Variants in CD44 observed in about 807,000 individuals in gnomAD.
CD44 encodes the protein CD44 molecule (IN blood group).
Under a neutral mutation model 88.8 loss-of-function variants are expected in CD44, and 49 were observed. The ratio of observed to expected loss-of-function variants is 0.55; its 90% CI spans 0.44 to 0.70. CD44 has a LOEUF of 0.70. Among genes scored for constraint, CD44 ranks in the 30% least tolerant of loss-of-function variants. The pLI, the probability that CD44 is intolerant of heterozygous loss-of-function variation, is 0.00. For synonymous variants in CD44, 325 were observed against 312.3 expected, an observed-to-expected ratio of 1.04 and a Z score of -0.43; for missense variants, 883 against 913.8, an observed-to-expected ratio of 0.97 and a Z score of 0.43.
At position 35,211,272 on chromosome 11, in the gene CD44, A is replaced by G; in HGVS notation, c.1633A>G (p.Arg545Gly). The G allele has an allele frequency of 2.5e-6, 4 of 1,613,932 alleles. No homozygotes were observed. In the South Asian group the frequency reaches 4.4e-5, roughly 18 times the overall value. ...SNRNDVTGGR[R>G]DPNHSEGSTT... Reference sequence around the variant, plus strand: ...TAGGAATGATGTCACAGGTGGAAGAAGAGACCCAAATCATTCTGAAGGCTC... The same window carrying G: ...TAGGAATGATGTCACAGGTGGAAGAGGAGACCCAAATCATTCTGAAGGCTC... The change falls in exon 14 of 18, where the codon AGA becomes GGA. Residue 545 changes from arginine (R) to glycine (G), a missense_variant. This residue lies in a region of CD44 where 631 missense variants were observed against 590.9 expected (regional missense o/e 1.07). Coordinates refer to ENST00000428726, the MANE Select transcript of CD44 (RefSeq NM_000610.4).
chr11:35,156,800 C>A (rs556109580), intron 1 of CD44, among the ~76,000 whole-genome samples: 74 of 152,294 alleles, frequency 4.9e-4, no homozygotes, highest in African/African-American at 1.7e-3. Context: ...GAGCCTGAGG[C>A]AAAAGACTTA....
chr11:35,181,598 G>A (rs1944992484), intron 3 of CD44, among the ~76,000 whole-genome samples: 1 of 147,930 alleles, frequency 6.8e-6, no homozygotes. Context: ...AGATGTGAAG[G>A]GGATGTTAAA....
chr11:35,177,407 G>A (rs1461884088), intron 2 of CD44, among the ~76,000 whole-genome samples: 1 of 152,166 alleles, frequency 6.6e-6, no homozygotes, highest in Non-Finnish European at 1.5e-5. Context: ...ATGGCCTTGC[G>A]GTAAGCGGTG....
At chr11:35,206,272 A>G (rs1218836937) in intron 11 of CD44, 29 bp downstream of exon 11, 1 of 1,569,158 alleles carries the variant, frequency 6.4e-7, no homozygotes, top group South Asian at 1.2e-5. Context: ...TTTATATATT[A>G]TGTTTTTTGA....
At chr11:35,166,424 C>T (rs916423773) in intron 1 of CD44, among the ~76,000 whole-genome samples, 11 of 152,198 alleles carry the variant, frequency 7.2e-5, no homozygotes, top group African/African-American at 2.7e-4. Flanking sequence ...CCCTCACCTC[C>T]AAGTCCCCAT....
chr11:35,209,784 G>T (rs567082384), intron 12 of CD44, among the ~76,000 whole-genome samples, 181 bp from the exon 13 acceptor site: 1 of 152,208 alleles, frequency 6.6e-6, no homozygotes, highest in South Asian at 2.1e-4. Context: ...AACCAAATAG[G>T]GGCAAAATAG....
chr11:35,186,470 A>C (rs1034850554), intron 3 of CD44, among the ~76,000 whole-genome samples: 1 of 152,192 alleles, frequency 6.6e-6, no homozygotes, highest in Non-Finnish European at 1.5e-5. Context: ...TGTAATCACA[A>C]ATTTTAAAAA....
At position 35,211,275 on chromosome 11, in the gene CD44, G is replaced by T; in HGVS notation, c.1636G>T (p.Asp546Tyr). 6.2e-7 allele frequency: 1 copy of T among 1,613,842 alleles called. No homozygotes were observed. The highest frequency in any genetic ancestry group is 1.1e-5 in the South Asian group (1 of 91,046). ...GAATGATGTCACAGGTGGAAGAAGA[G>T]ACCCAAATCATTCTGAAGGCTCAAC... ...NRNDVTGGRR[D>Y]PNHSEGSTTL... Residue 546 changes from aspartate (D) to tyrosine (Y), a missense_variant, in exon 14 of 18, where the codon GAC (aspartate) becomes TAC (tyrosine). Coordinates refer to ENST00000428726, the MANE Select transcript of CD44 (RefSeq NM_000610.4).
At position 35,208,117 on chromosome 11, in the gene CD44, G is replaced by T. The variant is rs769983303; in HGVS notation, c.1427G>T (p.Ser476Ile). The part of the protein sequence containing the change: ...QAGRRMDMDS[S>I]HSITLQPTAN... The stretch of plus-strand genomic sequence containing the variant: ...TTGATTCCTTCAGATATGGACTCCA[G>T]TCATAGTATAACGCTTCAGCCTACT... Residue 476 changes from serine to isoleucine, a missense_variant, in exon 12 of 18, where the codon AGT becomes ATT. Coordinates refer to ENST00000428726, the MANE Select transcript of CD44 (RefSeq NM_000610.4). 19 of 1,600,782 alleles carry T rather than the reference G, an allele frequency of 1.2e-5. No individual in the cohort carries two copies. In the South Asian group the frequency reaches 1.9e-4, roughly 16 times the overall value.
At chr11:35,228,935 G>T (rs1408067001) in intron 17 of CD44, among the ~76,000 whole-genome samples, 194 bp from the exon 18 acceptor site, 3 of 152,170 alleles carry the variant, frequency 2.0e-5, no homozygotes, top group Non-Finnish European at 4.4e-5. Context: ...GAGGAGTGCT[G>T]GTTGTTATGA....
At chr11:35,177,060 C>A in intron 2 of CD44, 1 of 255,734 alleles carries the variant, frequency 3.9e-6, no homozygotes, top group Non-Finnish European at 7.4e-6. Flanking sequence ...GTCAGAACCA[C>A]AAGAAAACAT....
intron 17 of CD44, 95 bp from the exon 18 acceptor site, chr11:35,229,034 A>G: frequency 9.6e-7 from 1 of 1,044,042 alleles, no homozygotes; most frequent in South Asian, 1.5e-5. Context: ...ATCATAAACC[A>G]TAGTGATCAT....
Position 35,231,555 on chromosome 11 carries a change from T to C in CD44, c.*2222T>C, listed in dbSNP as rs1207565943. The stretch of plus-strand genomic sequence containing the variant: ...CCCTCACTTGGATATACCTCTGTTT[T>C]CACGATAGAAATAAGGGAGGTCTAG... On this transcript the variant is annotated 3_prime_UTR_variant, in exon 18 of 18. Coordinates refer to ENST00000428726, the MANE Select transcript of CD44 (RefSeq NM_000610.4). 1 of 152,228 alleles carries C rather than the reference T, an allele frequency of 6.6e-6. No individual in the cohort carries two copies. Among genetic ancestry groups the C allele is most frequent in the Non-Finnish European group, 1.5e-5 (1 of 68,034 alleles). 9.4% of individuals were successfully genotyped at this position (152,228 alleles called of 1,614,324 possible).
intron 1 of CD44, among the ~76,000 whole-genome samples, chr11:35,154,083 G>A (rs1941536045): frequency 6.6e-6 from 1 of 152,178 alleles, no homozygotes; most frequent in Non-Finnish European, 1.5e-5. Flanking sequence ...AAATTCTGGA[G>A]AAGCAAAAAG....
chr11:35,193,123 C>G (rs1159815450), intron 5 of CD44, among the ~76,000 whole-genome samples: 2 of 152,132 alleles, frequency 1.3e-5, no homozygotes, highest in African/African-American at 2.4e-5. Flanking sequence ...TCTCTACTCT[C>G]TGTTCTGAAC....
chr11:35,229,665 TC>T lies in CD44; in HGVS notation c.*337del. The T allele has an allele frequency of 3.9e-6, 1 of 257,170 alleles. No homozygotes were observed. The highest frequency in any genetic ancestry group is 7.6e-6 in the Non-Finnish European group (1 of 131,678). The allele number at this position is 257,170 out of a possible 1,614,324, so 15.9% of individuals were successfully genotyped here. Reference sequence around the variant, plus strand: ...ATATGTATTCCTGATCGCCAACCTTTCCCCCACCAGCTAAGGACATTTCCCA... The same window carrying T: ...ATATGTATTCCTGATCGCCAACCTTTCCCCACCAGCTAAGGACATTTCCCA... On this transcript the variant is annotated 3_prime_UTR_variant, in exon 18 of 18. Coordinates refer to ENST00000428726, the MANE Select transcript of CD44 (RefSeq NM_000610.4).
rs1565156846 is a variant in CD44, at chr11:35,220,027, AT to A, written c.1945+641del. ...GACTTGGAATTAAAATTGATTTGTC[AT>A]AGAGAATTACTAAAGGGAAGGGTTC... On this transcript the variant is annotated intron_variant, in intron 16 of 17. Transcript: ENST00000428726. Among the ~76,000 whole-genome samples, 4 of 152,354 alleles carry A rather than the reference AT, an allele frequency of 2.6e-5. No individual in the cohort carries two copies. In the South Asian group the frequency reaches 8.3e-4, roughly 32 times the overall value.
At chr11:35,144,108 G>A (rs755161665) in intron 1 of CD44, among the ~76,000 whole-genome samples, 8 of 152,322 alleles carry the variant, frequency 5.3e-5, no homozygotes, top group South Asian at 2.1e-4. Flanking sequence ...GTGAGGTTTC[G>A]GATCCACCTG....
At chr11:35,217,179 GGCTTCTGA>G (rs1948896483) in intron 15 of CD44, among the ~76,000 whole-genome samples, 1 of 152,036 alleles carries the variant, frequency 6.6e-6, no homozygotes, top group Admixed American at 6.5e-5. Flanking sequence ...TCTTTTGTTT[GGCTTCTGA>G]GCAGGTGTCT....
Sources: gnomAD v4.1 joint callset for allele counts (sites outside exome capture counted in the v4.1 genomes callset) on GRCh38, gnomAD v4.1.1 for gene constraint, gnomAD v4.1.1 regional missense constraint, MANE v1.5 for transcripts, NCBI Gene and HGNC (gene_info 2026-07-23, HGNC 2026-07-21) for gene names.